The following PBX1 variants were observed in gnomAD, a reference collection of about 807,000 sequenced individuals.
PBX1 encodes PBX homeobox 1, also known as pre-B-cell leukemia transcription factor 1.
A neutral mutation model predicts 53.4 loss-of-function variants in PBX1; 6 were observed. The ratio of observed to expected loss-of-function variants is 0.11; its 90% CI spans 0.06 to 0.22. PBX1 has a LOEUF of 0.22. PBX1 is among the 10% of genes least tolerant of loss of function. The probability of loss-of-function intolerance (pLI) is 1.00; values close to 1 mark genes in which losing one functional copy is unlikely to be tolerated. For synonymous variants in PBX1, 204 were observed against 212.3 expected (o/e 0.96, Z 0.34); for missense variants, 251 against 551.4 (o/e 0.46, Z 5.46).
chr1:164,744,470 C>A (rs1436190348), intron 2 of PBX1, among the ~76,000 whole-genome samples: 1 of 152,206 alleles, frequency 6.6e-6, no homozygotes, highest in Non-Finnish European at 1.5e-5. Flanking sequence ...GTTATACCAA[C>A]ATTTTTGTAG....
At chr1:164,736,380 A>G (rs1272733880) in intron 2 of PBX1, among the ~76,000 whole-genome samples, 1 of 152,124 alleles carries the variant, frequency 6.6e-6, no homozygotes, top group African/African-American at 2.4e-5. Flanking sequence ...AGCTAATGCG[A>G]CGGCTGTCAG....
At chr1:164,630,346 GA>G (rs1168480242) in intron 2 of PBX1, among the ~76,000 whole-genome samples, 1 of 152,170 alleles carries the variant, frequency 6.6e-6, no homozygotes, top group African/African-American at 2.4e-5. Context: ...TTAGGAGACA[GA>G]TAATGCTCTG....
chr1:164,807,460 C>A, intron 4 of PBX1, 82 bp from the exon 5 acceptor site: 1 of 1,513,096 alleles, frequency 6.6e-7, no homozygotes, highest in Non-Finnish European at 8.9e-7. Flanking sequence ...TTTGTCTTCT[C>A]CCAGAAGTAG....
chr1:164,879,796 C>T (rs1208203125), intron 2 of PBX1, among the ~76,000 whole-genome samples: 1 of 152,190 alleles, frequency 6.6e-6, no homozygotes, highest in Non-Finnish European at 1.5e-5. Context: ...CTTATTTTAA[C>T]AATACATCAT....
intron 2 of PBX1, among the ~76,000 whole-genome samples, chr1:164,609,062 T>G (rs1282317738): frequency 2.0e-5 from 3 of 152,118 alleles, no homozygotes; most frequent in African/African-American, 7.2e-5. Flanking sequence ...CAGACATTGT[T>G]TCAGACAATA....
chr1:164,853,885 T>G (rs1200274671), downstream of PBX1, among the ~76,000 whole-genome samples: 1 of 152,052 alleles, frequency 6.6e-6, no homozygotes, highest in Non-Finnish European at 1.5e-5. Context: ...TGGCTATCCT[T>G]ATAGATTAGA....
intron 2 of PBX1, among the ~76,000 whole-genome samples, chr1:164,778,054 T>C (rs192280618): frequency 9.8e-5 from 15 of 152,290 alleles, no homozygotes; most frequent in African/African-American, 3.4e-4. Flanking sequence ...TTATTTTGGT[T>C]ACATATGAAG....
chr1:164,684,306 C>G (rs1282763145), intron 2 of PBX1: 1 of 152,120 alleles, frequency 6.6e-6, no homozygotes, highest in African/African-American at 2.4e-5. Flanking sequence ...CATGTTTTCC[C>G]TGTTTCTGGA....
At chr1:164,741,739 AGTGTGTGTGTGTGTGT>A (rs57771496) in intron 2 of PBX1, among the ~76,000 whole-genome samples, 4 of 140,810 alleles carry the variant, frequency 2.8e-5, no homozygotes, top group African/African-American at 5.3e-5. Flanking sequence ...TGTATGAGTG[AGTGTGTGTGTGTGTGT>A]GTGTGTGTGT....
rs746798555 is a variant in PBX1 at position 164,601,235 on chromosome 1, C to CAA, written c.265+37950_265+37951dup. 1.1e-3 allele frequency among the ~76,000 whole-genome samples: 38 copies of CAA among 34,008 alleles called. 3 individuals are homozygous for CAA. Among genetic ancestry groups the CAA allele is most frequent in the African/African-American group, 2.3e-3 (25 of 11,062 alleles). 22.3% of individuals were successfully genotyped at this position (34,008 alleles called of 152,430 possible). A position where few individuals can be genotyped will look rare whatever the true frequency, so the allele number is the denominator to read the frequency against. Reference sequence around the variant, plus strand: ...TGGGCGACAGAGCAAGATTCTGTCTCAAAAAAAAAAAAAAAAAAAAAAAAA... The same window carrying CAA: ...TGGGCGACAGAGCAAGATTCTGTCTCAAAAAAAAAAAAAAAAAAAAAAAAAAA... On this transcript the variant is annotated intron_variant, in intron 2 of 8. Coordinates refer to ENST00000420696, the MANE Select transcript of PBX1 (RefSeq NM_002585.4).
At chr1:164,592,070 G>A (rs1224677822) in intron 2 of PBX1, among the ~76,000 whole-genome samples, 5 of 150,876 alleles carry the variant, frequency 3.3e-5, no homozygotes, top group African/African-American at 1.2e-4. Flanking sequence ...TTTCTGAGTA[G>A]TTAATGTGGC....
downstream of PBX1, among the ~76,000 whole-genome samples, chr1:164,852,880 G>A (rs1314468055): frequency 2.0e-5 from 3 of 152,114 alleles, no homozygotes; most frequent in African/African-American, 7.2e-5. Flanking sequence ...TCTAAACATT[G>A]GAATATACTT....
At chr1:164,885,553 G>A (rs34301075) in intron 2 of PBX1, among the ~76,000 whole-genome samples, 21,279 of 152,084 alleles carry the variant, frequency 0.14, 1,630 homozygotes, top group South Asian at 0.26. Flanking sequence ...ACACTACGTC[G>A]CTGGGCAGGT....
intron 2 of PBX1, among the ~76,000 whole-genome samples, chr1:164,603,347 T>G (rs1166416435): frequency 6.6e-6 from 1 of 152,238 alleles, no homozygotes; most frequent in African/African-American, 2.4e-5. Flanking sequence ...TGGAGAAACT[T>G]TGACTCTGTC....
At chr1:164,566,513 C>A (rs1030078397) in intron 2 of PBX1, among the ~76,000 whole-genome samples, 2 of 152,116 alleles carry the variant, frequency 1.3e-5, no homozygotes, top group African/African-American at 4.8e-5. Flanking sequence ...TAATATAACA[C>A]TTTCTTTTGG....
intron 1 of PBX1, among the ~76,000 whole-genome samples, chr1:164,561,738 T>TG (rs961491716): frequency 1.3e-5 from 2 of 152,270 alleles, no homozygotes; most frequent in African/African-American, 4.8e-5. Context: ...ATGGCCTAGA[T>TG]GCAGAGAGAG....
intron 2 of PBX1, among the ~76,000 whole-genome samples, chr1:164,868,805 A>G (rs935350852): frequency 3.9e-5 from 6 of 152,158 alleles, no homozygotes; most frequent in Admixed American, 2.6e-4. Context: ...AGATTCTTTA[A>G]GTACCTCTAA....
At chr1:164,867,319 C>T (rs1450003754) in intron 2 of PBX1, among the ~76,000 whole-genome samples, 1 of 152,156 alleles carries the variant, frequency 6.6e-6, no homozygotes, top group Non-Finnish European at 1.5e-5. Flanking sequence ...TCTCATTTCC[C>T]TTTGTGCTTT....
intron 2 of PBX1, among the ~76,000 whole-genome samples, chr1:164,596,366 C>T (rs746778574): frequency 7.9e-5 from 12 of 152,208 alleles, no homozygotes; most frequent in Non-Finnish European, 1.6e-4. Context: ...CCCTCCCATG[C>T]AAACACCTTA....
Sources: allele counts gnomAD v4.1 joint callset (sites outside exome capture counted in the v4.1 genomes callset), GRCh38; gene constraint gnomAD v4.1.1; transcripts MANE v1.5; gene names NCBI Gene and HGNC (gene_info 2026-07-23, HGNC 2026-07-21).